FGF14: variants seen among roughly 807,000 people sequenced by gnomAD.
The protein encoded by FGF14 is fibroblast growth factor homologous factor 4.
FGF14 carries 5 observed loss-of-function variants against 25.5 expected under a neutral mutation model. That is an observed-to-expected ratio of 0.20 (90% CI 0.10 to 0.41). FGF14 has a LOEUF of 0.41. Among genes scored for constraint, FGF14 ranks in the 10% least tolerant of loss-of-function variants. The pLI is 1.00. For missense variants in FGF14, 222 were observed against 320.1 expected (o/e 0.69, Z 2.34); for synonymous variants, 138 against 118.3 (o/e 1.17, Z -1.08).
Position 101,966,705 on chromosome 13 carries a change from AC to A in FGF14, c.209-91410del, listed in dbSNP as rs1461353987. ...ACCATGTTGGTCAGGCTGGTCTCGA[AC>A]CCCTGACCTCATGATCCACCCACCT... On this transcript the variant is annotated intron_variant, in intron 1 of 4. Coordinates refer to the FGF14 transcript ENST00000376131. 3.9e-5 allele frequency among the ~76,000 whole-genome samples: 6 copies of A among 151,960 alleles called. No individual in the cohort carries two copies. In the East Asian group the frequency reaches 1.2e-3, roughly 29 times the overall value.
intron 3 of FGF14, among the ~76,000 whole-genome samples, chr13:101,823,696 C>T (rs951438102): frequency 6.6e-6 from 1 of 150,726 alleles, no homozygotes; most frequent in Admixed American, 6.6e-5. Context: ...CTCGGCCTCC[C>T]AAACTGCTGG....
At chr13:101,819,509 T>A (rs1280967778) in intron 3 of FGF14, among the ~76,000 whole-genome samples, 2 of 152,134 alleles carry the variant, frequency 1.3e-5, no homozygotes, top group African/African-American at 4.8e-5. Context: ...ATTCTACCTA[T>A]CAGTGATGTA....
intron 1 of FGF14, among the ~76,000 whole-genome samples, chr13:102,029,800 T>A (rs1292779374): frequency 1.3e-5 from 2 of 152,122 alleles, no homozygotes. Context: ...GAGACCAGAA[T>A]AAACATTTAG....
At chr13:102,067,010 G>T (rs1246519838) in intron 1 of FGF14, among the ~76,000 whole-genome samples, 1 of 152,128 alleles carries the variant, frequency 6.6e-6, no homozygotes, top group African/African-American at 2.4e-5. Context: ...GTCTCACCAT[G>T]TCTCCTACTG....
At chr13:102,033,249 T>C (rs2041300664) in intron 1 of FGF14, among the ~76,000 whole-genome samples, 2 of 152,088 alleles carry the variant, frequency 1.3e-5, no homozygotes, top group South Asian at 2.1e-4. Flanking sequence ...TGGAAAATCA[T>C]GGTGTGACAA....
intron 1 of FGF14, among the ~76,000 whole-genome samples, chr13:102,049,133 A>C (rs2042113288): frequency 6.6e-6 from 1 of 152,326 alleles, no homozygotes; most frequent in African/African-American, 2.4e-5. Context: ...TAGGAAAAAA[A>C]ATACAATCAA....
chr13:101,910,106 G>C (rs1035598703), intron 1 of FGF14, among the ~76,000 whole-genome samples: 3 of 151,902 alleles, frequency 2.0e-5, no homozygotes, highest in Non-Finnish European at 4.4e-5. Context: ...GGTGGGGGTA[G>C]GGGGGAGGGA....
chr13:102,135,290 G>A (rs566965079), intron 1 of FGF14, among the ~76,000 whole-genome samples: 33 of 152,146 alleles, frequency 2.2e-4, no homozygotes, highest in African/African-American at 8.0e-4. Context: ...ATTTTTTCAT[G>A]AACACAGCAT....
chr13:102,170,465 A>G (rs764865564), intron 1 of FGF14, among the ~76,000 whole-genome samples: 6 of 152,030 alleles, frequency 3.9e-5, no homozygotes, highest in Admixed American at 3.3e-4. Flanking sequence ...ACTTAGAGAG[A>G]AAGTCATTTA....
At chr13:102,132,512 TTTC>T (rs1476922865) in intron 1 of FGF14, among the ~76,000 whole-genome samples, 26 of 74,580 alleles carry the variant, frequency 3.5e-4, no homozygotes, top group East Asian at 8.0e-4. Context: ...TCTTTCTTTC[TTTC>T]TTTTTTTTTT....
intron 1 of FGF14, among the ~76,000 whole-genome samples, chr13:101,925,637 C>A (rs2034311510): frequency 6.6e-6 from 1 of 152,194 alleles, no homozygotes; most frequent in Non-Finnish European, 1.5e-5. Context: ...TGCCTTATTC[C>A]TGAGCCTAGT....
intron 1 of FGF14, among the ~76,000 whole-genome samples, chr13:101,910,861 T>A (rs1397393074): frequency 6.9e-6 from 1 of 144,840 alleles, no homozygotes; most frequent in Non-Finnish European, 1.5e-5. Flanking sequence ...TGTGTGTGTG[T>A]GTGTGTGTGT....
intron 1 of FGF14, among the ~76,000 whole-genome samples, chr13:102,207,442 A>T (rs1475867833): frequency 6.6e-6 from 1 of 151,984 alleles, no homozygotes; most frequent in Non-Finnish European, 1.5e-5. Flanking sequence ...AATGGTCATC[A>T]AAGAAAGCCA....
chr13:101,802,440 G>T, intron 3 of FGF14: 2 of 199,248 alleles, frequency 1.0e-5, no homozygotes, highest in Non-Finnish European at 2.1e-5. Flanking sequence ...AGGGGAGGAG[G>T]AGGATGAAAA....
At chr13:102,187,153 C>T (rs1001075334) in intron 1 of FGF14, among the ~76,000 whole-genome samples, 3 of 152,170 alleles carry the variant, frequency 2.0e-5, no homozygotes. Context: ...AATAGCACTG[C>T]CTCCGTCTAA....
At chr13:102,166,259 A>T (rs1008252218) in intron 1 of FGF14, among the ~76,000 whole-genome samples, 7 of 151,820 alleles carry the variant, frequency 4.6e-5, no homozygotes, top group Non-Finnish European at 2.9e-5. Flanking sequence ...CAAATTTGCC[A>T]TTCACTTTAT....
intron 1 of FGF14, among the ~76,000 whole-genome samples, chr13:102,115,139 A>G (rs1395819515): frequency 6.6e-6 from 1 of 152,156 alleles, no homozygotes; most frequent in Admixed American, 6.5e-5. Flanking sequence ...TCTCATGGTG[A>G]TGACAGCACA....
intron 3 of FGF14, among the ~76,000 whole-genome samples, chr13:101,797,735 A>ATC (rs533967581): frequency 2.9e-5 from 1 of 33,998 alleles, no homozygotes; most frequent in African/African-American, 5.4e-5. Flanking sequence ...TCATGAATTG[A>ATC]TGTGTGTGTG....
intron 1 of FGF14, among the ~76,000 whole-genome samples, chr13:102,093,280 C>T (rs7324130): frequency 0.39 from 59,097 of 151,848 alleles, 13,497 homozygotes; most frequent in Non-Finnish European, 0.51. Context: ...AAAATTTACA[C>T]AAATCTATTG....
Sources: allele counts gnomAD v4.1 joint callset (sites outside exome capture counted in the v4.1 genomes callset), GRCh38; gene constraint gnomAD v4.1.1; transcripts MANE v1.5; gene names NCBI Gene and HGNC (gene_info 2026-07-23, HGNC 2026-07-21).